IL3RA: variants seen among roughly 807,000 people sequenced by gnomAD.
The protein encoded by IL3RA is interleukin 3 receptor subunit alpha.
IL3RA carries 73 observed loss-of-function variants against 52.3 expected under a neutral mutation model. That is an observed-to-expected ratio of 1.40 (90% CI 1.16 to 1.70). The LOEUF (loss-of-function observed/expected upper bound fraction) is 1.70, where lower values mean the gene tolerates loss of function less well. Among genes scored for constraint, IL3RA ranks in the 40% most tolerant of loss-of-function variants. IL3RA has a pLI of 0.00. For synonymous variants in IL3RA, 260 were observed against 194.0 expected (o/e 1.34, Z -2.83); for missense variants, 664 against 504.4 (o/e 1.32, Z -3.03).
At chrX:1,339,439 C>T (rs2085405753) in intron 1 of IL3RA, among the ~76,000 whole-genome samples, 1 of 152,188 alleles carries the variant, frequency 6.6e-6, no homozygotes, top group Non-Finnish European at 1.5e-5. Context: ...CCAGGCTCAC[C>T]CCTTCCATTT....
At chrX:1,361,988 C>G (rs1167554625) in intron 8 of IL3RA, among the ~76,000 whole-genome samples, 5 of 152,006 alleles carry the variant, frequency 3.3e-5, no homozygotes, top group Non-Finnish European at 7.4e-5. Context: ...CTCTCTCTGT[C>G]TCTCTGCTTC....
chrX:1,347,375 CA>C (rs1250789725), intron 3 of IL3RA, among the ~76,000 whole-genome samples: 90 of 150,884 alleles, frequency 6.0e-4, no homozygotes, highest in Non-Finnish European at 9.6e-4. Context: ...ACCTGGGAGG[CA>C]GAAGCTTGCA....
intron 3 of IL3RA, among the ~76,000 whole-genome samples, chrX:1,347,424 G>A (rs1235619605): frequency 4.0e-5 from 6 of 150,952 alleles, no homozygotes; most frequent in African/African-American, 7.4e-5. Flanking sequence ...CAGCCTGGGC[G>A]ACAGAGCGAG....
At chrX:1,342,464 C>G (rs370743299) in intron 2 of IL3RA, among the ~76,000 whole-genome samples, 3 of 151,778 alleles carry the variant, frequency 2.0e-5, no homozygotes, top group Non-Finnish European at 4.4e-5. Flanking sequence ...CAGCGCCCGG[C>G]CTTTTTTTTC....
chrX:1,340,115 C>CTTT (rs779128210), intron 1 of IL3RA, among the ~76,000 whole-genome samples: 18 of 127,190 alleles, frequency 1.4e-4, no homozygotes, highest in African/African-American at 3.5e-4. Context: ...CTTTTCTTTT[C>CTTT]TTTTTTTTTT....
At chrX:1,381,177 C>T (rs1397484751) in intron 11 of IL3RA, 73 bp downstream of exon 11, 3 of 1,310,494 alleles carry the variant, frequency 2.3e-6, no homozygotes, top group African/African-American at 1.5e-5. Context: ...GGCGGGCGGA[C>T]CACTTGAGGC....
intron 8 of IL3RA, among the ~76,000 whole-genome samples, chrX:1,363,618 G>C (rs1450515167): frequency 4.0e-5 from 6 of 151,220 alleles, no homozygotes; most frequent in African/African-American, 7.3e-5. Context: ...CCCACTGTAA[G>C]GAGCTGGGGG....
At chrX:1,373,604 G>A (rs1285150669) in intron 9 of IL3RA, among the ~76,000 whole-genome samples, 12 of 17,708 alleles carry the variant, frequency 6.8e-4, no homozygotes, top group East Asian at 3.4e-3. Flanking sequence ...CCCTGTGAGG[G>A]CACAGGGAGA....
chrX:1,360,442 A>T lies in IL3RA; in HGVS notation c.759+1555A>T, dbSNP rs1294249696. ...TCTTTCATTCTCCCTCTCTTTCTCT[A>T]TCTCTCTCCTTGTCTATATCTCCCC... On this transcript the variant is annotated intron_variant, in intron 8 of 11. Coordinates refer to ENST00000331035, the MANE Select transcript of IL3RA (RefSeq NM_002183.4). 5.4e-5 allele frequency among the ~76,000 whole-genome samples: 5 copies of T among 93,226 alleles called. No individual in the cohort carries two copies. In the South Asian group the frequency reaches 1.7e-3, roughly 32 times the overall value. The allele number at this position is 93,226 out of a possible 152,430, so 61.2% of individuals were successfully genotyped here. A position where few individuals can be genotyped will look rare whatever the true frequency, so the allele number is the denominator to read the frequency against.
At chrX:1,345,276 C>A in intron 2 of IL3RA, 40 bp from the exon 3 acceptor site, 1 of 1,385,930 alleles carries the variant, frequency 7.2e-7, no homozygotes, top group African/African-American at 1.5e-5. Context: ...TTTTAAGATT[C>A]TTACGTATCT....
At chrX:1,348,667 TTTCTTTC>T (rs1249722927) in intron 4 of IL3RA, 122 bp downstream of exon 4, 3 of 455,078 alleles carry the variant, frequency 6.6e-6, no homozygotes, top group African/African-American at 4.9e-5. Context: ...TCTTTCTTTC[TTTCTTTC>T]TTTCTTTCTT....
intron 3 of IL3RA, among the ~76,000 whole-genome samples, 163 bp from the exon 4 acceptor site, chrX:1,348,268 G>A (rs776062029): frequency 9.5e-4 from 144 of 151,502 alleles, no homozygotes; most frequent in Non-Finnish European, 1.2e-3. Flanking sequence ...CAGGAGAATG[G>A]CTTGAACCCG....
chrX:1,342,852 C>T (rs1362092882), intron 2 of IL3RA, among the ~76,000 whole-genome samples: 3 of 150,936 alleles, frequency 2.0e-5, no homozygotes, highest in Admixed American at 6.6e-5. Flanking sequence ...GGCAGGTGGA[C>T]GATCACAAGG....
Position 1,348,416 on chromosome X carries a change from C to CTA in IL3RA, c.184-13_184-12dup. On this transcript the variant is annotated splice_polypyrimidine_tract_variant and intron_variant, in intron 3 of 11. Coordinates refer to ENST00000331035, the MANE Select transcript of IL3RA (RefSeq NM_002183.4). ...TGGTCTGTCAGCAGCCATCATAGTCCTATGTCTCTCTTAGGCAGTGAACAA... is the reference window on the plus strand; with the variant it reads ...TGGTCTGTCAGCAGCCATCATAGTCCTATATGTCTCTCTTAGGCAGTGAACAA... 5 of 1,579,654 alleles carry CTA rather than the reference C, an allele frequency of 3.2e-6. No homozygotes were observed. The highest frequency in any genetic ancestry group is 4.4e-6 in the Non-Finnish European group (5 of 1,148,720).
In IL3RA at chrX:1,342,559, CTT is replaced by C. The variant is rs751414193; in HGVS notation, c.64+747_64+748del. Among the ~76,000 whole-genome samples, 1,086 of 111,264 alleles carry C rather than the reference CTT, an allele frequency of 9.8e-3. 12 individuals carry two copies. Among genetic ancestry groups the C allele is most frequent in the African/African-American group, 0.034 (995 of 29,110 alleles). The allele number at this position is 111,264 out of a possible 152,430, so 73.0% of individuals were successfully genotyped here. A position where few individuals can be genotyped will look rare whatever the true frequency, so the allele number is the denominator to read the frequency against. The stretch of plus-strand genomic sequence containing the variant: ...TAATTTGCTTTTCATTCTTTAACTT[CTT>C]TTTTTTTTTTTTTTTTGACACAGAG... On this transcript the variant is annotated intron_variant, in intron 2 of 11. Coordinates refer to ENST00000331035, the MANE Select transcript of IL3RA (RefSeq NM_002183.4).
chrX:1,352,588 C>A, intron 6 of IL3RA, 82 bp downstream of exon 6: 5 of 1,408,060 alleles, frequency 3.6e-6, no homozygotes, highest in Non-Finnish European at 4.9e-6. Context: ...CACGGGACCA[C>A]GTGGCTCCCA....
At chrX:1,367,548 CGGGTGCGCG>C (rs1256900678) in intron 9 of IL3RA, among the ~76,000 whole-genome samples, 1 of 50,802 alleles carries the variant, frequency 2.0e-5, no homozygotes, top group African/African-American at 9.6e-5. Flanking sequence ...CGGCGTGAGC[CGGGTGCGCG>C]GGGTGCGCCG....
In IL3RA at chrX:1,365,148, G is replaced by A. The variant is rs1427026547; in HGVS notation, c.770G>A (p.Arg257Lys). 4 of 1,609,122 alleles carry A rather than the reference G, an allele frequency of 2.5e-6. No homozygotes were observed. Among genetic ancestry groups the A allele is most frequent in the Non-Finnish European group, 3.4e-6 (4 of 1,177,278 alleles). ...QPVITEQVRDRTSFQLLNPGT... is the reference protein window; with the variant it reads ...QPVITEQVRDKTSFQLLNPGT... Reference sequence around the variant, plus strand: ...TCTTTCAAACCACAGGTCAGAGACAGAACCTCCTTCCAGCTACTCAATCCT... The same window carrying A: ...TCTTTCAAACCACAGGTCAGAGACAAAACCTCCTTCCAGCTACTCAATCCT... Residue 257 changes from arginine to lysine, a missense_variant, in exon 9 of 12, where the codon AGA becomes AAA. Transcript: ENST00000331035.
intron 9 of IL3RA, among the ~76,000 whole-genome samples, chrX:1,377,923 C>T (rs762344788): frequency 2.0e-5 from 3 of 149,794 alleles, no homozygotes; most frequent in South Asian, 2.1e-4. Flanking sequence ...GCGTGGCTGA[C>T]GCCTGTAATC....
Sources: allele counts gnomAD v4.1 joint callset (sites outside exome capture counted in the v4.1 genomes callset), GRCh38; gene constraint gnomAD v4.1.1; transcripts MANE v1.5; gene names NCBI Gene and HGNC (gene_info 2026-07-23, HGNC 2026-07-21).